The following CCR7 variants were observed in gnomAD, a reference collection of about 807,000 sequenced individuals.
CCR7 encodes the protein C-C motif chemokine receptor 7.
A neutral mutation model predicts 26.0 loss-of-function variants in CCR7; 11 were observed. The ratio of observed to expected loss-of-function variants is 0.42; its 90% CI spans 0.27 to 0.70. CCR7 has a LOEUF of 0.70. Ranked by LOEUF, CCR7 falls within the 30% of genes least tolerant of loss-of-function variation. The pLI is 0.23. For synonymous variants in CCR7, 189 were observed against 202.1 expected (o/e 0.94, Z 0.55); for missense variants, 360 against 504.0 (o/e 0.71, Z 2.74).
chr17:40,564,572 A>T (rs1223284251), intron 1 of CCR7, among the ~76,000 whole-genome samples: 2 of 152,164 alleles, frequency 1.3e-5, no homozygotes, highest in Non-Finnish European at 2.9e-5. Flanking sequence ...GGGCGTCTGG[A>T]GCTGGATGAA....
intron 1 of CCR7, chr17:40,560,599 C>T (rs2036644090): frequency 6.6e-6 from 1 of 152,222 alleles, no homozygotes; most frequent in African/African-American, 2.4e-5. Context: ...GTATTTCTCC[C>T]GCCTTGAGCA....
chr17:40,560,098 G>C (rs897278434), intron 1 of CCR7, among the ~76,000 whole-genome samples: 1 of 152,206 alleles, frequency 6.6e-6, no homozygotes, highest in East Asian at 1.9e-4. Context: ...ACAAGGCCCA[G>C]ATGTGCTCAG....
intron 1 of CCR7, 74 bp from the exon 2 acceptor site, chr17:40,559,016 G>C (rs996657496): frequency 1.6e-6 from 2 of 1,272,950 alleles, no homozygotes; most frequent in East Asian, 4.7e-5. Context: ...CAGTGGAGGG[G>C]GAGACGCTGT....
At position 40,564,355 on chromosome 17, in the gene CCR7, C is replaced by T. The variant is rs546817106; in HGVS notation, c.10+1045G>A. On this transcript the variant is annotated intron_variant, in intron 1 of 2. Coordinates refer to ENST00000246657, the MANE Select transcript of CCR7 (RefSeq NM_001838.4). The stretch of plus-strand genomic sequence containing the variant: ...GTCCAGATCCAGCGTTCAGGGCAGG[C>T]GGGAAAGTAAGAGATGAAATCAAGG... Among the ~76,000 whole-genome samples, 15 of 152,228 alleles carry T rather than the reference C, an allele frequency of 9.9e-5. No homozygotes were observed. In the South Asian group the frequency reaches 1.0e-3, roughly 11 times the overall value.
chr17:40,557,941 G>A lies in CCR7; in HGVS notation c.60+952C>T, dbSNP rs187025314. 5.9e-3 allele frequency among the ~76,000 whole-genome samples: 896 copies of A among 152,306 alleles called. 8 individuals are homozygous for A. Among genetic ancestry groups the A allele is most frequent in the Middle Eastern group, 0.041 (12 of 294 alleles). ...CAGCCCCCCAGAGTCCTGGAGACAGGGGAGAGAGAGGAGGGAGTGGTGATG... is the reference window on the plus strand; with the variant it reads ...CAGCCCCCCAGAGTCCTGGAGACAGAGGAGAGAGAGGAGGGAGTGGTGATG... On this transcript the variant is annotated intron_variant, in intron 2 of 2. Transcript: ENST00000246657.
chr17:40,554,660 T>C lies in CCR7; in HGVS notation c.*82A>G. On this transcript the variant is annotated 3_prime_UTR_variant, in exon 3 of 3. Transcript: ENST00000246657. Reference sequence around the variant, plus strand: ...CCCTGAGCAGCTTTTGGCGGGGGGATGTCCTGAGTCATTGCATCTGCTCCC... The same window carrying C: ...CCCTGAGCAGCTTTTGGCGGGGGGACGTCCTGAGTCATTGCATCTGCTCCC... 9.3e-7 allele frequency: 1 copy of C among 1,070,728 alleles called. No individual in the cohort carries two copies. Among genetic ancestry groups the C allele is most frequent in the Non-Finnish European group, 1.4e-6 (1 of 729,646 alleles). The allele number at this position is 1,070,728 out of a possible 1,614,324, so 66.3% of individuals were successfully genotyped here. A position where few individuals can be genotyped will look rare whatever the true frequency, so the allele number is the denominator to read the frequency against.
chr17:40,563,737 C>T (rs886557982), intron 1 of CCR7, among the ~76,000 whole-genome samples: 3 of 152,144 alleles, frequency 2.0e-5, no homozygotes, highest in Non-Finnish European at 4.4e-5. Flanking sequence ...AATATCCCTT[C>T]TTCCTGGACC....
rs188971603 is a variant in CCR7, at chr17:40,554,422, C to T, written c.*320G>A. On this transcript the variant is annotated 3_prime_UTR_variant, in exon 3 of 3. Coordinates refer to ENST00000246657, the MANE Select transcript of CCR7 (RefSeq NM_001838.4). ...CTCCCACGCCCCTTGCACTCACCCT[C>T]CTTGGCCCCTTCACTCCAGCAGGTG... 4.1e-3 allele frequency: 1,354 copies of T among 331,592 alleles called. 5 individuals are homozygous for T. The highest frequency in any genetic ancestry group is 6.4e-3 in the Non-Finnish European group (1,149 of 179,288). The allele number at this position is 331,592 out of a possible 1,614,324, so 20.5% of individuals were successfully genotyped here. A position where few individuals can be genotyped will look rare whatever the true frequency, so the allele number is the denominator to read the frequency against.
chr17:40,557,083 G>A (rs896338991), intron 2 of CCR7, among the ~76,000 whole-genome samples: 2 of 152,114 alleles, frequency 1.3e-5, no homozygotes, highest in African/African-American at 2.4e-5. Context: ...CTGTGCTCCC[G>A]CCCTCTCCCC....
Position 40,558,932 on chromosome 17 carries a change from C to T in CCR7, c.21G>A (p.Met7Ile). The T allele has an allele frequency of 6.2e-7, 1 of 1,612,294 alleles. No individual in the cohort carries two copies. Among genetic ancestry groups the T allele is most frequent in the Non-Finnish European group, 8.5e-7 (1 of 1,179,262 alleles). Reference protein sequence around the residue: MDLGKPMKSVLVVALLV... With the variant: MDLGKPIKSVLVVALLV... The stretch of plus-strand genomic sequence containing the variant: ...GGAGAGCCACCACCAGCACGCTTTT[C>T]ATTGGTTTCCCTGTAGGAGACAAGG... The change falls in exon 2 of 3, where the codon ATG (methionine) becomes ATA (isoleucine). Residue 7 changes from methionine (M) to isoleucine (I), a missense_variant. By Grantham distance (10) the Met-to-Ile change is conservative (BLOSUM62 1). Coordinates refer to ENST00000246657, the MANE Select transcript of CCR7 (RefSeq NM_001838.4).
intron 1 of CCR7, among the ~76,000 whole-genome samples, chr17:40,564,102 T>G (rs932161807): frequency 7.2e-5 from 10 of 139,184 alleles, no homozygotes; most frequent in African/African-American, 1.1e-4. Context: ...TGATGGGGGG[T>G]GGTGGAGGGG....
chr17:40,557,377 A>G (rs989312609), intron 2 of CCR7, among the ~76,000 whole-genome samples: 2 of 152,150 alleles, frequency 1.3e-5, no homozygotes, highest in African/African-American at 2.4e-5. Flanking sequence ...GTGGGTTTCT[A>G]TCCATTTATG....
chr17:40,564,067 G>A (rs937350351), intron 1 of CCR7, among the ~76,000 whole-genome samples: 4 of 152,010 alleles, frequency 2.6e-5, no homozygotes, highest in African/African-American at 9.7e-5. Context: ...GGTCTTCTGT[G>A]GGTGACGTCT....
chr17:40,557,188 C>T (rs780708958), intron 2 of CCR7, among the ~76,000 whole-genome samples: 9 of 152,174 alleles, frequency 5.9e-5, no homozygotes, highest in African/African-American at 1.2e-4. Flanking sequence ...TCTGCAGGGT[C>T]GGGTGAAGGT....
At chr17:40,563,038 A>G (rs929760354) in intron 1 of CCR7, among the ~76,000 whole-genome samples, 9 of 151,704 alleles carry the variant, frequency 5.9e-5, no homozygotes, top group Non-Finnish European at 1.3e-4. Context: ...ACTCCTACAC[A>G]CCCTTGAAAA....
chr17:40,557,689 C>T (rs1465938280), intron 2 of CCR7, among the ~76,000 whole-genome samples: 1 of 152,300 alleles, frequency 6.6e-6, no homozygotes, highest in African/African-American at 2.4e-5. Flanking sequence ...GCAGTACTCC[C>T]GGCCTCTATG....
At chr17:40,565,289 A>G in intron 1 of CCR7, 111 bp downstream of exon 1, 1 of 939,320 alleles carries the variant, frequency 1.1e-6, no homozygotes, top group Non-Finnish European at 1.8e-6. Context: ...TGATTTCTCC[A>G]GGAAGCACCC....
chr17:40,561,632 T>C (rs1404941650), intron 1 of CCR7, among the ~76,000 whole-genome samples: 1 of 152,196 alleles, frequency 6.6e-6, no homozygotes, highest in Non-Finnish European at 1.5e-5. Context: ...AATTATTGGC[T>C]GGCTGCCCCC....
intron 2 of CCR7, among the ~76,000 whole-genome samples, chr17:40,558,310 C>T (rs2036614603): frequency 6.6e-6 from 1 of 152,162 alleles, no homozygotes; most frequent in African/African-American, 2.4e-5. Flanking sequence ...GGTCTTTGTT[C>T]CTGCCGAGTT....
Sources: allele counts gnomAD v4.1 joint callset (sites outside exome capture counted in the v4.1 genomes callset), GRCh38; gene constraint gnomAD v4.1.1; transcripts MANE v1.5; gene names NCBI Gene and HGNC (gene_info 2026-07-23, HGNC 2026-07-21).